Variants in ASXL3 observed in about 807,000 individuals in gnomAD.
The protein encoded by ASXL3 is ASXL transcriptional regulator 3.
A neutral mutation model predicts 170.6 loss-of-function variants in ASXL3; 34 were observed. That is an observed-to-expected ratio of 0.20 (90% CI 0.15 to 0.27). The LOEUF is 0.27. Among genes scored for constraint, ASXL3 ranks in the 10% least tolerant of loss-of-function variants. The probability of loss-of-function intolerance (pLI) is 1.00; values close to 1 mark genes in which losing one functional copy is unlikely to be tolerated. For synonymous variants in ASXL3, 1,002 were observed against 989.1 expected, an observed-to-expected ratio of 1.01 and a Z score of -0.24; for missense variants, 2,592 against 2,695.3, an observed-to-expected ratio of 0.96 and a Z score of 0.85.
chr18:33,709,247 G>A (rs964685713), intron 8 of ASXL3, among the ~76,000 whole-genome samples: 1 of 151,102 alleles, frequency 6.6e-6, no homozygotes, highest in African/African-American at 2.4e-5. Flanking sequence ...AGTTGACCTA[G>A]CATTTAAACT....
At chr18:33,589,816 A>G (rs9956129) in intron 1 of ASXL3, among the ~76,000 whole-genome samples, 1,648 of 152,280 alleles carry the variant, frequency 0.011, 35 homozygotes, top group African/African-American at 0.037. Context: ...ATAAGAACTA[A>G]TAATGATTGG....
At chr18:33,679,332 A>G in intron 7 of ASXL3, among the ~76,000 whole-genome samples, 1 of 152,110 alleles carries the variant, frequency 6.6e-6, no homozygotes, top group East Asian at 1.9e-4. Flanking sequence ...CATATGGAAA[A>G]ATACAGATGC....
At chr18:33,630,270 G>C (rs1464273071) in intron 2 of ASXL3, among the ~76,000 whole-genome samples, 4 of 151,830 alleles carry the variant, frequency 2.6e-5, no homozygotes, top group Non-Finnish European at 5.9e-5. Flanking sequence ...CTTTTGTAAA[G>C]TTTGTTTTTA....
At position 33,738,612 on chromosome 18, in the gene ASXL3, A is replaced by G; in HGVS notation, c.1208A>G (p.Gln403Arg). The G allele has an allele frequency of 6.2e-7, 1 of 1,613,942 alleles. No individual in the cohort carries two copies. Among genetic ancestry groups the G allele is most frequent in the Non-Finnish European group, 8.5e-7 (1 of 1,179,866 alleles). The change falls in exon 11 of 12, where the codon CAA (glutamine) becomes CGA (arginine). Residue 403 changes from glutamine (Q) to arginine (R), a missense_variant. Gln to Arg is a conservative substitution (Grantham distance 43, BLOSUM62 1). Coordinates refer to ENST00000269197, the MANE Select transcript of ASXL3 (RefSeq NM_030632.3). ...PVSAQTALAE[Q>R]QPKSMKSPAS... is the part of the protein sequence containing the mutation. ...TCTGCACAGACAGCCTTGGCAGAAC[A>G]ACAGCCAAAAAGCATGAAAAGCCCA...
chr18:33,738,443 A>G (rs1311817049), intron 10 of ASXL3, 44 bp from the exon 11 acceptor site: 5 of 1,522,290 alleles, frequency 3.3e-6, no homozygotes, highest in Non-Finnish European at 3.5e-6. Flanking sequence ...TGTACCTTTT[A>G]TGTTTTGTGG....
At chr18:33,733,310 C>A (rs966365242) in intron 9 of ASXL3, among the ~76,000 whole-genome samples, 1 of 152,054 alleles carries the variant, frequency 6.6e-6, no homozygotes, top group African/African-American at 2.4e-5. Flanking sequence ...TCACGAGCTT[C>A]TCTTCCCTCT....
chr18:33,738,358 A>T, intron 10 of ASXL3, 129 bp from the exon 11 acceptor site: 2 of 956,750 alleles, frequency 2.1e-6, no homozygotes, highest in Non-Finnish European at 1.5e-6. Context: ...TACATAAATT[A>T]AGCATGTTAA....
intron 2 of ASXL3, among the ~76,000 whole-genome samples, chr18:33,612,107 A>G (rs972180037): frequency 1.3e-5 from 2 of 152,016 alleles, no homozygotes; most frequent in Non-Finnish European, 2.9e-5. Flanking sequence ...ATGTAGCATG[A>G]ACTGTGATTT....
At chr18:33,688,225 A>G (rs2066629391) in intron 8 of ASXL3, among the ~76,000 whole-genome samples, 1 of 152,214 alleles carries the variant, frequency 6.6e-6, no homozygotes. Flanking sequence ...GAGTGTGTTC[A>G]TCATCTCCTG....
rs2066175452 is a variant in ASXL3 at position 33,661,647 on chromosome 18, T to A, written c.387T>A (p.Ser129=). 6.2e-7 allele frequency: 1 copy of A among 1,612,068 alleles called. No individual in the cohort carries two copies. Among genetic ancestry groups the A allele is most frequent in the African/African-American group, 1.3e-5 (1 of 74,864 alleles). Residue 129 remains serine, a synonymous_variant, in exon 5 of 12, where the codon TCT becomes TCA. Coordinates refer to ENST00000269197, the MANE Select transcript of ASXL3 (RefSeq NM_030632.3). ...CGAAGCAGGTAACTGATGAAGCATC[T>A]TCCACTCGAGATTCAAGCCTTACTA... The part of the protein sequence containing the change: ...VCSKQVTDEA[S]STRDSSLTNT...
At chr18:33,670,991 T>C (rs536127043) in intron 6 of ASXL3, among the ~76,000 whole-genome samples, 1 of 152,306 alleles carries the variant, frequency 6.6e-6, no homozygotes, top group East Asian at 1.9e-4. Context: ...CCAGCTTGCT[T>C]GCCTCATCAT....
At chr18:33,686,381 A>G (rs544727739) in intron 8 of ASXL3, among the ~76,000 whole-genome samples, 1 of 152,356 alleles carries the variant, frequency 6.6e-6, no homozygotes, top group Admixed American at 6.5e-5. Flanking sequence ...CAAGTTTAGT[A>G]TAAAACCAGT....
intron 1 of ASXL3, among the ~76,000 whole-genome samples, chr18:33,598,302 T>C (rs183348523): frequency 6.1e-4 from 93 of 152,314 alleles, no homozygotes; most frequent in African/African-American, 2.2e-3. Flanking sequence ...TATTCTCATT[T>C]ATATTTTTGT....
At chr18:33,613,797 T>G (rs2065376043) in intron 2 of ASXL3, among the ~76,000 whole-genome samples, 1 of 152,016 alleles carries the variant, frequency 6.6e-6, no homozygotes, top group African/African-American at 2.4e-5. Flanking sequence ...GGTACATGCC[T>G]ATAGTTCCAG....
At chr18:33,596,042 A>G (rs963604376) in intron 1 of ASXL3, among the ~76,000 whole-genome samples, 4 of 151,466 alleles carry the variant, frequency 2.6e-5, no homozygotes, top group African/African-American at 9.7e-5. Flanking sequence ...TTTTTTCATT[A>G]GGCAAGTATT....
intron 4 of ASXL3, among the ~76,000 whole-genome samples, chr18:33,648,748 T>G (rs2065953402): frequency 6.6e-6 from 1 of 151,898 alleles, no homozygotes; most frequent in Non-Finnish European, 1.5e-5. Context: ...TTTAAGAGCT[T>G]GGAGAGAGTA....
chr18:33,734,513 A>T (rs1404384306), intron 10 of ASXL3, 98 bp downstream of exon 10: 2 of 649,408 alleles, frequency 3.1e-6, no homozygotes, highest in Non-Finnish European at 4.7e-6. Flanking sequence ...AAACTTAATA[A>T]ACCTGTGATA....
intron 1 of ASXL3, among the ~76,000 whole-genome samples, chr18:33,591,453 A>G (rs773534446): frequency 4.6e-5 from 7 of 152,162 alleles, no homozygotes; most frequent in Non-Finnish European, 5.9e-5. Context: ...GAATATAAAC[A>G]AAAATATTAT....
intron 11 of ASXL3, 113 bp downstream of exon 11, chr18:33,740,556 T>A (rs1047174890): frequency 9.5e-7 from 1 of 1,055,480 alleles, no homozygotes; most frequent in Admixed American, 3.0e-5. Context: ...TGCAGCAGTT[T>A]ATAATCTAAT....
Sources: allele counts gnomAD v4.1 joint callset (sites outside exome capture counted in the v4.1 genomes callset), GRCh38; gene constraint gnomAD v4.1.1; transcripts MANE v1.5; gene names NCBI Gene and HGNC (gene_info 2026-07-23, HGNC 2026-07-21).